The following MAGI1 variants were observed in gnomAD, a reference collection of about 807,000 sequenced individuals.
The protein encoded by MAGI1 is membrane associated guanylate kinase, WW and PDZ domain containing 1.
A neutral mutation model predicts 139.9 loss-of-function variants in MAGI1; 58 were observed. The ratio of observed to expected loss-of-function variants is 0.41; its 90% confidence interval spans 0.34 to 0.52. The LOEUF (loss-of-function observed/expected upper bound fraction) is 0.52, where lower values mean the gene tolerates loss of function less well. Among genes scored for constraint, MAGI1 ranks in the 20% least tolerant of loss-of-function variants. The pLI is 0.12. For synonymous variants in MAGI1, 812 were observed against 737.9 expected, an observed-to-expected ratio of 1.10 and a Z score of -1.63; for missense variants, 1,874 against 1,901.6, an observed-to-expected ratio of 0.99 and a Z score of 0.27.
At chr3:65,773,532 CAA>C (rs2038125779) in intron 1 of MAGI1, among the ~76,000 whole-genome samples, 9 of 151,344 alleles carry the variant, frequency 5.9e-5, no homozygotes, top group Admixed American at 4.6e-4. Context: ...GACACTGTCT[CAA>C]AAAAAAGACA....
intron 2 of MAGI1, among the ~76,000 whole-genome samples, chr3:65,560,109 T>C (rs578067592): frequency 6.6e-6 from 1 of 152,148 alleles, no homozygotes; most frequent in Non-Finnish European, 1.5e-5. Flanking sequence ...ACTCCATATA[T>C]ATAGGATAAA....
chr3:65,501,378 A>C (rs1225405819), intron 2 of MAGI1, among the ~76,000 whole-genome samples: 3 of 147,488 alleles, frequency 2.0e-5, no homozygotes, highest in African/African-American at 7.5e-5. Flanking sequence ...AGGCTGAGGC[A>C]GAGAACTGCT....
intron 1 of MAGI1, among the ~76,000 whole-genome samples, chr3:65,953,989 C>T (rs1243515447): frequency 6.6e-6 from 1 of 152,100 alleles, no homozygotes; most frequent in African/African-American, 2.4e-5. Context: ...AACTGGCATT[C>T]CCTTTCTAAA....
At chr3:65,740,099 T>C (rs900258515) in intron 1 of MAGI1, among the ~76,000 whole-genome samples, 3 of 152,202 alleles carry the variant, frequency 2.0e-5, no homozygotes, top group Non-Finnish European at 4.4e-5. Flanking sequence ...AAGCCTCTGA[T>C]AGGAATGTGC....
intron 1 of MAGI1, among the ~76,000 whole-genome samples, chr3:65,815,194 C>T (rs570980677): frequency 2.0e-4 from 31 of 152,296 alleles, no homozygotes; most frequent in Admixed American, 1.9e-3. Context: ...AAGTTCCTTT[C>T]GTCAAAAAGT....
chr3:65,558,612 C>T (rs560632403), intron 2 of MAGI1, among the ~76,000 whole-genome samples: 3 of 152,286 alleles, frequency 2.0e-5, no homozygotes, highest in Non-Finnish European at 2.9e-5. Context: ...TTCACTTCCA[C>T]GAAACCCATG....
chr3:65,644,722 G>A (rs886830251), intron 1 of MAGI1, among the ~76,000 whole-genome samples: 4 of 152,084 alleles, frequency 2.6e-5, no homozygotes, highest in Admixed American at 6.6e-5. Context: ...TAAAGGCCAC[G>A]CACAGTGGCT....
chr3:65,871,438 C>T lies in MAGI1; in HGVS notation c.313+166558G>A, dbSNP rs538906402. Among the ~76,000 whole-genome samples, 24 of 152,252 alleles carry T rather than the reference C, an allele frequency of 1.6e-4. No homozygotes were observed. The East Asian group carries it at 4.1e-3, about 26-fold the overall frequency. On this transcript the variant is annotated intron_variant, in intron 1 of 22. Coordinates refer to ENST00000402939, the MANE Select transcript of MAGI1 (RefSeq NM_001033057.2). ...ACAGCGTGACTGCAGCACAGCCAGCCAGCTGAAAGCACAACACTGAGAAAA... is the reference window on the plus strand; with the variant it reads ...ACAGCGTGACTGCAGCACAGCCAGCTAGCTGAAAGCACAACACTGAGAAAA...
chr3:65,385,630 A>G (rs1047931520), intron 14 of MAGI1, among the ~76,000 whole-genome samples: 4 of 152,218 alleles, frequency 2.6e-5, no homozygotes, highest in African/African-American at 9.6e-5. Context: ...AGTGACCAGT[A>G]AGTACAAGTC....
intron 1 of MAGI1, among the ~76,000 whole-genome samples, chr3:65,939,617 G>A (rs1240480717): frequency 6.6e-6 from 1 of 152,150 alleles, no homozygotes; most frequent in East Asian, 1.9e-4. Flanking sequence ...GAGTGTCATA[G>A]GCTATATAAA....
intron 2 of MAGI1, among the ~76,000 whole-genome samples, chr3:65,602,920 T>C (rs1347265829): frequency 6.6e-6 from 1 of 152,022 alleles, no homozygotes; most frequent in Admixed American, 6.6e-5. Context: ...AATACAAATA[T>C]TAAAAAGATT....
At chr3:66,013,537 G>A (rs563756661) in intron 1 of MAGI1, among the ~76,000 whole-genome samples, 1 of 151,892 alleles carries the variant, frequency 6.6e-6, no homozygotes, top group Admixed American at 6.6e-5. Context: ...CAAGGTGGGC[G>A]GATCACGAGA....
At chr3:65,961,025 G>A (rs1226720792) in intron 1 of MAGI1, among the ~76,000 whole-genome samples, 1 of 152,160 alleles carries the variant, frequency 6.6e-6, no homozygotes, top group Admixed American at 6.5e-5. Flanking sequence ...TGCAAAAATT[G>A]ATATGCCAAA....
chr3:65,896,717 C>T (rs943054998), intron 1 of MAGI1, among the ~76,000 whole-genome samples: 2 of 152,060 alleles, frequency 1.3e-5, no homozygotes, highest in African/African-American at 4.8e-5. Flanking sequence ...AAATACCCAA[C>T]AATAATATGG....
intron 1 of MAGI1, among the ~76,000 whole-genome samples, chr3:66,019,442 A>T (rs974045993): frequency 6.6e-6 from 1 of 152,212 alleles, no homozygotes; most frequent in African/African-American, 2.4e-5. Flanking sequence ...ACATTACCTC[A>T]GTTGAAAACC....
rs566653347 is a variant in MAGI1 at position 65,821,584 on chromosome 3, G to T, written c.314-199496C>A. On this transcript the variant is annotated intron_variant, in intron 1 of 22. Transcript: ENST00000402939. ...CTTTGTCAATCCAATCTTCTCAGAGGTCTAAGATGTTACAAAAGTAAAGAC... is the reference window on the plus strand; with the variant it reads ...CTTTGTCAATCCAATCTTCTCAGAGTTCTAAGATGTTACAAAAGTAAAGAC... 3.3e-5 allele frequency among the ~76,000 whole-genome samples: 5 copies of T among 152,258 alleles called. No individual in the cohort carries two copies. The East Asian group carries it at 5.8e-4, about 18-fold the overall frequency.
At chr3:65,387,450 G>C (rs543647449) in intron 14 of MAGI1, among the ~76,000 whole-genome samples, 11 of 151,038 alleles carry the variant, frequency 7.3e-5, no homozygotes, top group African/African-American at 2.2e-4. Context: ...ACCACTGAGA[G>C]TTTCCTATAA....
intron 2 of MAGI1, among the ~76,000 whole-genome samples, chr3:65,582,609 TA>T (rs72337682): frequency 0.58 from 87,739 of 151,886 alleles, 27,722 homozygotes; most frequent in East Asian, 0.9. Flanking sequence ...AAATAAGACT[TA>T]CTGTTGAAAG....
intron 1 of MAGI1, among the ~76,000 whole-genome samples, chr3:65,840,148 A>AT (rs34338889): frequency 0.069 from 10,235 of 147,476 alleles, 774 homozygotes; most frequent in African/African-American, 0.2. Flanking sequence ...TAGTTCTAAG[A>AT]TTTTTTTTTT....
Sources: gnomAD v4.1 joint callset for allele counts (sites outside exome capture counted in the v4.1 genomes callset) on GRCh38, gnomAD v4.1.1 for gene constraint, MANE v1.5 for transcripts, NCBI Gene and HGNC (gene_info 2026-07-23, HGNC 2026-07-21) for gene names.